Variants in ALCAM observed in about 807,000 individuals in gnomAD.
ALCAM encodes CD166 antigen.
ALCAM carries 30 observed loss-of-function variants against 70.9 expected under a neutral mutation model. The ratio of observed to expected loss-of-function variants is 0.42; its 90% CI spans 0.32 to 0.57. The LOEUF (loss-of-function observed/expected upper bound fraction) is 0.57. ALCAM is among the 20% of genes least tolerant of loss of function. The pLI is 0.11. For missense variants in ALCAM, 591 were observed against 695.1 expected (o/e 0.85, Z 1.68); for synonymous variants, 249 against 242.5 (o/e 1.03, Z -0.25).
At chr3:105,500,172 T>C (rs1938878518) in intron 1 of ALCAM, among the ~76,000 whole-genome samples, 1 of 151,896 alleles carries the variant, frequency 6.6e-6, no homozygotes, top group South Asian at 2.1e-4. Flanking sequence ...AGTTTCCACA[T>C]TATTTCACAA....
intron 8 of ALCAM, among the ~76,000 whole-genome samples, chr3:105,542,306 T>G (rs1940136261): frequency 1.3e-5 from 2 of 151,816 alleles, no homozygotes; most frequent in African/African-American, 4.8e-5. Context: ...AAAATCACTG[T>G]GGACATAACT....
At chr3:105,525,639 G>A (rs1024251150) in intron 3 of ALCAM, among the ~76,000 whole-genome samples, 1 of 152,150 alleles carries the variant, frequency 6.6e-6, no homozygotes, top group African/African-American at 2.4e-5. Flanking sequence ...TGTTTCTCTT[G>A]TAATAGCCTA....
chr3:105,550,431 T>C (rs1940364480), intron 12 of ALCAM, among the ~76,000 whole-genome samples, 172 bp downstream of exon 12: 1 of 151,578 alleles, frequency 6.6e-6, no homozygotes, highest in South Asian at 2.1e-4. Flanking sequence ...CTGTCCATTC[T>C]TGTACTATCC....
intron 1 of ALCAM, among the ~76,000 whole-genome samples, chr3:105,438,713 A>G (rs935426726): frequency 1.3e-5 from 2 of 152,124 alleles, no homozygotes; most frequent in African/African-American, 4.8e-5. Context: ...ATGTTGCTAC[A>G]GATATTGTAT....
intron 1 of ALCAM, among the ~76,000 whole-genome samples, chr3:105,387,585 T>C (rs986115946): frequency 6.6e-6 from 1 of 151,684 alleles, no homozygotes; most frequent in African/African-American, 2.4e-5. Flanking sequence ...TATTATTTAG[T>C]GATTAAACGG....
At chr3:105,554,020 C>T (rs1258089339) in intron 14 of ALCAM, among the ~76,000 whole-genome samples, 1 of 151,874 alleles carries the variant, frequency 6.6e-6, no homozygotes, top group Admixed American at 6.6e-5. Flanking sequence ...CCTTTCTCTC[C>T]TTAGTCTTAA....
At chr3:105,417,030 C>A (rs1423696941) in intron 1 of ALCAM, among the ~76,000 whole-genome samples, 1 of 151,826 alleles carries the variant, frequency 6.6e-6, no homozygotes, top group Non-Finnish European at 1.5e-5. Context: ...ATGACATGTC[C>A]TTTGCCTAAT....
intron 6 of ALCAM, 128 bp from the exon 7 acceptor site, chr3:105,539,847 G>T: frequency 1.1e-6 from 1 of 883,086 alleles, no homozygotes. Flanking sequence ...CTATAAAAAG[G>T]TATATTTAAG....
intron 1 of ALCAM, among the ~76,000 whole-genome samples, chr3:105,495,981 C>G (rs1576201558): frequency 6.6e-6 from 1 of 152,108 alleles, no homozygotes; most frequent in East Asian, 1.9e-4. Flanking sequence ...AAGTGCTTAG[C>G]AAAAATGCTG....
intron 1 of ALCAM, among the ~76,000 whole-genome samples, chr3:105,495,016 C>G (rs772204067): frequency 6.6e-6 from 1 of 152,110 alleles, no homozygotes; most frequent in Admixed American, 6.6e-5. Flanking sequence ...TTATTCTTAT[C>G]GCAACTCCCA....
chr3:105,367,991 C>T (rs2107309737), intron 1 of ALCAM, among the ~76,000 whole-genome samples: 1 of 151,960 alleles, frequency 6.6e-6, no homozygotes, highest in African/African-American at 2.4e-5. Context: ...AATCACCTCC[C>T]CCCGCCCCCC....
chr3:105,427,669 A>G (rs1212308349), intron 1 of ALCAM, among the ~76,000 whole-genome samples: 1 of 151,774 alleles, frequency 6.6e-6, no homozygotes, highest in Non-Finnish European at 1.5e-5. Context: ...AAGCTGTACA[A>G]TGTTTTTTAC....
intron 7 of ALCAM, 91 bp downstream of exon 7, chr3:105,540,193 A>G: frequency 7.6e-7 from 1 of 1,322,566 alleles, no homozygotes; most frequent in Non-Finnish European, 1.0e-6. Flanking sequence ...AAAAAATGTT[A>G]TTGCTGGAGA....
intron 14 of ALCAM, among the ~76,000 whole-genome samples, chr3:105,566,660 CAT>C (rs1332986981): frequency 6.6e-6 from 1 of 152,148 alleles, no homozygotes; most frequent in Admixed American, 6.5e-5. Context: ...ACAATCTACT[CAT>C]GTTAAAAATC....
At chr3:105,531,668 C>T (rs1939842562) in intron 3 of ALCAM, among the ~76,000 whole-genome samples, 1 of 151,982 alleles carries the variant, frequency 6.6e-6, no homozygotes, top group African/African-American at 2.4e-5. Context: ...AAGAAGTGCT[C>T]ATGGTAATCA....
chr3:105,451,377 A>T (rs1372320488), intron 1 of ALCAM, among the ~76,000 whole-genome samples: 2 of 152,066 alleles, frequency 1.3e-5, no homozygotes, highest in Non-Finnish European at 1.5e-5. Context: ...GAAAGCAAGA[A>T]AGAGAAAGAA....
At chr3:105,454,502 G>T (rs1937506696) in intron 1 of ALCAM, among the ~76,000 whole-genome samples, 1 of 152,122 alleles carries the variant, frequency 6.6e-6, no homozygotes, top group South Asian at 2.1e-4. Flanking sequence ...AGACTGAGTA[G>T]ATCACAGTTT....
intron 14 of ALCAM, among the ~76,000 whole-genome samples, chr3:105,566,727 T>A (rs537257106): frequency 6.6e-6 from 1 of 152,294 alleles, no homozygotes; most frequent in South Asian, 2.1e-4. Flanking sequence ...TTGCTATTAT[T>A]GTCACATCTG....
At chr3:105,418,536 C>A (rs974042262) in intron 1 of ALCAM, among the ~76,000 whole-genome samples, 3 of 151,268 alleles carry the variant, frequency 2.0e-5, no homozygotes, top group African/African-American at 4.8e-5. Flanking sequence ...AGTTCAAATT[C>A]ACTTAGTAGA....
Sources: gnomAD v4.1 joint callset for allele counts (sites outside exome capture counted in the v4.1 genomes callset) on GRCh38, gnomAD v4.1.1 for gene constraint, MANE v1.5 for transcripts, NCBI Gene and HGNC (gene_info 2026-07-23, HGNC 2026-07-21) for gene names.